The following OSBP variants were observed in gnomAD, a reference collection of about 807,000 sequenced individuals.
The protein encoded by OSBP is oxysterol binding protein.
In OSBP, 32 loss-of-function variants were observed where a neutral mutation model predicts 96.6. The ratio of observed to expected loss-of-function variants is 0.33; its 90% confidence interval spans 0.25 to 0.45. The LOEUF is 0.45. OSBP is among the 20% of genes least tolerant of loss of function. The probability of loss-of-function intolerance (pLI) is 1.00; values close to 1 mark genes in which losing one functional copy is unlikely to be tolerated. For synonymous variants in OSBP, 369 were observed against 389.6 expected (o/e 0.95, Z 0.62); for missense variants, 653 against 1,029.7 (o/e 0.63, Z 5.01).
chr11:59,601,569 G>A (rs1860724849), intron 4 of OSBP, 71 bp downstream of exon 4: 1 of 1,400,234 alleles, frequency 7.1e-7, no homozygotes, highest in African/African-American at 1.4e-5. Flanking sequence ...AGAGTTTGGA[G>A]TTCTCCTATC....
At chr11:59,589,500 C>A (rs1367884173) in intron 9 of OSBP, among the ~76,000 whole-genome samples, 1 of 151,142 alleles carries the variant, frequency 6.6e-6, no homozygotes, top group Non-Finnish European at 1.5e-5. Context: ...ACTTGGAAGG[C>A]TGAGGCAGGA....
chr11:59,615,230 G>T, intron 1 of OSBP, 73 bp downstream of exon 1: 2 of 1,308,232 alleles, frequency 1.5e-6, no homozygotes, highest in Non-Finnish European at 2.1e-6. Context: ...CCGGCTGGCG[G>T]TAATGCCGGA....
chr11:59,586,610 T>C (rs1334740678), intron 9 of OSBP, among the ~76,000 whole-genome samples: 2 of 152,176 alleles, frequency 1.3e-5, no homozygotes, highest in Non-Finnish European at 2.9e-5. Flanking sequence ...AGAACAAAGC[T>C]AGAGGACTCA....
chr11:59,606,345 G>A (rs570596351), intron 3 of OSBP, among the ~76,000 whole-genome samples: 38 of 151,320 alleles, frequency 2.5e-4, no homozygotes, highest in African/African-American at 6.8e-4. Context: ...AAACTGAAAC[G>A]GCCATAAAAA....
At chr11:59,598,381 G>C (rs1391827078) in intron 7 of OSBP, among the ~76,000 whole-genome samples, 1 of 152,084 alleles carries the variant, frequency 6.6e-6, no homozygotes, top group East Asian at 1.9e-4. Context: ...TTAGTAGCTG[G>C]CTGTGGACAA....
At position 59,610,385 on chromosome 11, in the gene OSBP, C is replaced by T. The variant is rs2228289; in HGVS notation, c.567G>A (p.Glu189=). ...CAGGTGTTCTTTGTTCCTGACCTGA[C>T]TCTGCCAGCATCTTCACAGCTTTGG... The part of the protein sequence containing the change: ...AKAKAVKMLA[E]SDESGDEESV... Residue 189 remains glutamate (E), a synonymous_variant, in exon 2 of 14, where the codon GAG becomes GAA. Coordinates refer to ENST00000263847, the MANE Select transcript of OSBP (RefSeq NM_002556.3). 5.0e-3 allele frequency: 8,138 copies of T among 1,612,788 alleles called. 380 individuals are homozygous for T. The African/African-American group carries it at 0.096, about 19-fold the overall frequency.
intron 4 of OSBP, 27 bp from the exon 5 acceptor site, chr11:59,601,412 G>A: frequency 3.3e-6 from 5 of 1,522,222 alleles, no homozygotes; most frequent in Non-Finnish European, 4.6e-6. Context: ...CCCATTTGTT[G>A]ACTTTGGTTA....
chr11:59,592,414 A>G (rs1389474581), intron 9 of OSBP, among the ~76,000 whole-genome samples: 1 of 152,170 alleles, frequency 6.6e-6, no homozygotes, highest in African/African-American at 2.4e-5. Context: ...GCAAAGGTGA[A>G]TTCATTAAAG....
At chr11:59,593,790 G>C (rs1380061194) in intron 8 of OSBP, 66 bp from the exon 9 acceptor site, 34 of 1,594,712 alleles carry the variant, frequency 2.1e-5, no homozygotes, top group Admixed American at 6.8e-5. Context: ...CCTATAAATT[G>C]GTGAGAAACA....
chr11:59,580,023 CT>C, intron 11 of OSBP, 150 bp downstream of exon 11: 5 of 649,842 alleles, frequency 7.7e-6, no homozygotes, highest in Non-Finnish European at 8.2e-6. Context: ...TTCACCTCTA[CT>C]TTTTTTGAAT....
chr11:59,605,464 G>A (rs886229572), intron 3 of OSBP, among the ~76,000 whole-genome samples: 1 of 152,046 alleles, frequency 6.6e-6, no homozygotes, highest in Non-Finnish European at 1.5e-5. Flanking sequence ...AGGCTACAGA[G>A]TGCAGTGCTA....
Position 59,581,113 on chromosome 11 carries a change from A to ACCTAGCAT in OSBP, c.1782+330_1782+337dup, listed in dbSNP as rs565664322. 4.3e-4 allele frequency among the ~76,000 whole-genome samples: 65 copies of ACCTAGCAT among 152,318 alleles called. 1 individual carries two copies. The South Asian group carries it at 0.013, about 31-fold the overall frequency. ...TCTCATCAGACTTTGTATCCCCAGG[A>ACCTAGCAT]CCTAGCATACTGCCTGGCAATAAAT... On this transcript the variant is annotated intron_variant, in intron 10 of 13. Transcript: ENST00000263847.
chr11:59,578,708 T>A (rs974515424), intron 11 of OSBP, among the ~76,000 whole-genome samples: 1 of 152,220 alleles, frequency 6.6e-6, no homozygotes, highest in African/African-American at 2.4e-5. Flanking sequence ...TATCTCCACC[T>A]CCCAAAGTGT....
chr11:59,602,277 G>C (rs1333886619), intron 3 of OSBP, among the ~76,000 whole-genome samples: 1 of 151,952 alleles, frequency 6.6e-6, no homozygotes, highest in African/African-American at 2.4e-5. Flanking sequence ...ACTGAGAACA[G>C]AGAATCCACA....
At chr11:59,577,075 CTATT>C (rs757173568) in intron 12 of OSBP, 50 bp from the exon 13 acceptor site, 8 of 1,492,004 alleles carry the variant, frequency 5.4e-6, no homozygotes, top group Non-Finnish European at 7.3e-6. Context: ...AGCCCAGACC[CTATT>C]TAAAGAGCAA....
In OSBP at chr11:59,576,449, A is replaced by G. The variant is rs1860362448; in HGVS notation, c.*128T>C. ...TGTCTCCTTCTGGTGATTGATTTGG[A>G]AAAAATGATTGGTCAAGAGAGACAA... On this transcript the variant is annotated 3_prime_UTR_variant, in exon 14 of 14. Transcript: ENST00000263847. 1 of 1,090,556 alleles carries G rather than the reference A, an allele frequency of 9.2e-7. No individual in the cohort carries two copies. Among genetic ancestry groups the G allele is most frequent in the East Asian group, 2.4e-5 (1 of 42,082 alleles). 67.6% of individuals were successfully genotyped at this position (1,090,556 alleles called of 1,614,324 possible).
At chr11:59,593,446 T>G (rs1027613119) in intron 9 of OSBP, 158 bp downstream of exon 9, 3 of 694,456 alleles carry the variant, frequency 4.3e-6, no homozygotes, top group Non-Finnish European at 7.3e-6. Context: ...ACTCATTTGA[T>G]AGCTGAAAAG....
At chr11:59,614,678 C>A (rs1286729514) in intron 1 of OSBP, among the ~76,000 whole-genome samples, 1 of 152,196 alleles carries the variant, frequency 6.6e-6, no homozygotes, top group Non-Finnish European at 1.5e-5. Context: ...ATAAAAGCAG[C>A]ACTGGGGTGC....
chr11:59,580,806 A>C (rs1165382865), intron 10 of OSBP, among the ~76,000 whole-genome samples: 1 of 152,202 alleles, frequency 6.6e-6, no homozygotes, highest in Non-Finnish European at 1.5e-5. Flanking sequence ...GGCATGAGCC[A>C]ACATGCCCAG....
Sources: allele counts gnomAD v4.1 joint callset (sites outside exome capture counted in the v4.1 genomes callset), GRCh38; gene constraint gnomAD v4.1.1; transcripts MANE v1.5; gene names NCBI Gene and HGNC (gene_info 2026-07-23, HGNC 2026-07-21).